FCN2: variants seen among roughly 807,000 people sequenced by gnomAD.
The protein encoded by FCN2 is ficolin 2, also known as ficolin-2.
Under a neutral mutation model 32.5 loss-of-function variants are expected in FCN2, and 31 were observed. The ratio of observed to expected loss-of-function variants is 0.96; its 90% CI spans 0.72 to 1.29. FCN2 has a LOEUF of 1.29. FCN2 is among the 50% of genes most tolerant of loss of function. The probability of loss-of-function intolerance (pLI) is 0.00; values close to 1 mark genes in which losing one functional copy is unlikely to be tolerated. For synonymous variants in FCN2, 181 were observed against 164.5 expected (o/e 1.10, Z -0.77); for missense variants, 412 against 406.5 (o/e 1.01, Z -0.12).
intron 2 of FCN2, among the ~76,000 whole-genome samples, chr9:134,882,920 T>C (rs1830686009): frequency 1.3e-5 from 2 of 152,202 alleles, no homozygotes; most frequent in South Asian, 4.1e-4. Context: ...GACTTCAAGC[T>C]CTGTGTCCCT....
chr9:134,870,069 C>T, the FCN2 span, among the ~76,000 whole-genome samples: 3 of 152,198 alleles, frequency 2.0e-5, no homozygotes, highest in Non-Finnish European at 2.9e-5. This position sits in a 1 kb window ranked among gnomAD's most constrained non-coding sequence, Gnocchi z 4.3. Context: ...CCGTGGACAG[C>T]CCCTGGGCTA....
At chr9:134,876,035 A>C (rs1418290907), upstream of FCN2, among the ~76,000 whole-genome samples, 1 of 152,196 alleles carries the variant, frequency 6.6e-6, no homozygotes, top group Non-Finnish European at 1.5e-5. Context: ...GTTTCTTTTG[A>C]GATGATAGTA....
At chr9:134,873,814 G>A in the FCN2 span, among the ~76,000 whole-genome samples, 1 of 152,018 alleles carries the variant, frequency 6.6e-6, no homozygotes, top group Non-Finnish European at 1.5e-5. Flanking sequence ...ATTTTCATTT[G>A]AACTGTGGCT....
At chr9:134,886,604 G>C (rs1467204143) in intron 7 of FCN2, 40 bp downstream of exon 7, 3 of 1,610,052 alleles carry the variant, frequency 1.9e-6, no homozygotes, top group African/African-American at 2.7e-5. Flanking sequence ...GGGCTTCTGA[G>C]GGGGGTTTGG....
rs1364735628 is a variant in FCN2, at chr9:134,885,816, G to T, written c.478G>T (p.Ala160Ser). The T allele has an allele frequency of 2.5e-6, 4 of 1,613,910 alleles. No homozygotes were observed. Among genetic ancestry groups the T allele is most frequent in the African/African-American group, 2.7e-5 (2 of 74,912 alleles). Residue 160 changes from alanine to serine, a missense_variant, in exon 6 of 8, where the codon GCC becomes TCC. Transcript: ENST00000291744. ...CTCTGTGGACTTCTACCGGGACTGGGCCACGTACAAGCAGGGCTTCGGCAG... is the reference window on the plus strand; with the variant it reads ...CTCTGTGGACTTCTACCGGGACTGGTCCACGTACAAGCAGGGCTTCGGCAG... ...DGSVDFYRDW[A>S]TYKQGFGSRL...
At chr9:134,881,488 A>G (rs1830663160) in intron 1 of FCN2, among the ~76,000 whole-genome samples, 1 of 152,070 alleles carries the variant, frequency 6.6e-6, no homozygotes, top group African/African-American at 2.4e-5. Flanking sequence ...CCGAGGGGAC[A>G]CTCGGGTGCC....
chr9:134,882,462 T>G (rs1262656501), intron 1 of FCN2, 64 bp from the exon 2 acceptor site: 1 of 1,319,976 alleles, frequency 7.6e-7, no homozygotes, highest in Non-Finnish European at 1.1e-6. Flanking sequence ...GAGTGGTATA[T>G]CTATGGCTCA....
chr9:134,884,732 A>G lies in FCN2; in HGVS notation c.269-8A>G, dbSNP rs1054810576. 1 of 1,613,842 alleles carries G rather than the reference A, an allele frequency of 6.2e-7. No homozygotes were observed. The highest frequency in any genetic ancestry group is 8.5e-7 in the Non-Finnish European group (1 of 1,179,842). The stretch of plus-strand genomic sequence containing the variant: ...GTGACACGTGTGTCCTCTCTCATCC[A>G]TGAACAGGAGCACCTGGGGAGCCCC... On this transcript the variant is annotated splice_polypyrimidine_tract_variant and splice_region_variant and intron_variant, in intron 3 of 7. Transcript: ENST00000291744.
chr9:134,868,179 C>G, the FCN2 span: 5 of 152,232 alleles, frequency 3.3e-5, no homozygotes, highest in Non-Finnish European at 7.3e-5. The surrounding 1 kb of genome is among the most constrained non-coding windows in gnomAD (Gnocchi z 4.3). Flanking sequence ...CGGAGCAGAT[C>G]CAGGCTCCCT....
chr9:134,884,592 C>T, intron 3 of FCN2, 148 bp from the exon 4 acceptor site: 1 of 785,798 alleles, frequency 1.3e-6, no homozygotes, highest in Non-Finnish European at 2.2e-6. Flanking sequence ...AAAATTTGGT[C>T]AACAGAACCA....
chr9:134,875,353 G>T, the FCN2 span, among the ~76,000 whole-genome samples: 4 of 152,130 alleles, frequency 2.6e-5, no homozygotes, highest in Admixed American at 6.5e-5. Context: ...TTCCTTCCGT[G>T]GTAGACAGGC....
chr9:134,869,025 G>A, the FCN2 span, among the ~76,000 whole-genome samples: 1 of 152,180 alleles, frequency 6.6e-6, no homozygotes, highest in Non-Finnish European at 1.5e-5. Flanking sequence ...GACGGAGACC[G>A]TATGACTCGC....
chr9:134,883,455 G>A (rs959594808), intron 3 of FCN2, 100 bp downstream of exon 3: 18 of 1,105,930 alleles, frequency 1.6e-5, no homozygotes, highest in African/African-American at 1.1e-4. Flanking sequence ...CGCTGTCCTC[G>A]CCAGAGCCAA....
chr9:134,886,006 G>A (rs1208246691), intron 6 of FCN2, 109 bp downstream of exon 6: 2 of 1,204,686 alleles, frequency 1.7e-6, no homozygotes, highest in Non-Finnish European at 2.3e-6. Flanking sequence ...ACAGGGGATT[G>A]GGCCCTGAGC....
chr9:134,886,169 A>G (rs1830751982), intron 6 of FCN2, among the ~76,000 whole-genome samples: 1 of 152,162 alleles, frequency 6.6e-6, no homozygotes, highest in Non-Finnish European at 1.5e-5. Flanking sequence ...AAGGAGGGAC[A>G]CAGTGGCCCC....
At chr9:134,882,661 G>A (rs760666876) in intron 2 of FCN2, 22 bp downstream of exon 2, 1 of 1,521,994 alleles carries the variant, frequency 6.6e-7, no homozygotes, top group Non-Finnish European at 9.1e-7. Flanking sequence ...CATGGCTGGG[G>A]GCACTGGCTC....
At chr9:134,867,906 GCTCT>G in the FCN2 span, among the ~76,000 whole-genome samples, 2 of 152,176 alleles carry the variant, frequency 1.3e-5, no homozygotes, top group Non-Finnish European at 2.9e-5. Flanking sequence ...TGTTTATTAA[GCTCT>G]TTCTAAATGC....
At chr9:134,882,984 A>G (rs1358393244) in intron 2 of FCN2, among the ~76,000 whole-genome samples, 3 of 152,164 alleles carry the variant, frequency 2.0e-5, no homozygotes, top group East Asian at 1.9e-4. Flanking sequence ...CCTGTCTCAG[A>G]TGAGGAAACT....
chr9:134,884,716 G>A (rs1174806270), intron 3 of FCN2, 24 bp from the exon 4 acceptor site: 2 of 1,613,288 alleles, frequency 1.2e-6, no homozygotes, highest in Non-Finnish European at 1.7e-6. Flanking sequence ...TGTGACACGT[G>A]TGTCCTCTCT....
Sources: gnomAD v4.1 joint callset for allele counts (sites outside exome capture counted in the v4.1 genomes callset) on GRCh38, gnomAD v4.1.1 for gene constraint, Gnocchi (gnomAD v3.1) non-coding constraint, MANE v1.5 for transcripts, NCBI Gene and HGNC (gene_info 2026-07-23, HGNC 2026-07-21) for gene names.